GATAD2A: variants seen among roughly 807,000 people sequenced by gnomAD.
GATAD2A encodes transcriptional repressor p66-alpha.
GATAD2A carries 12 observed loss-of-function variants against 68.5 expected under a neutral mutation model. The observed-to-expected ratio is 0.18, with a 90% CI of 0.11 to 0.28. The LOEUF is 0.28. GATAD2A is among the 10% of genes least tolerant of loss of function. The probability of loss-of-function intolerance (pLI) is 1.00; values close to 1 mark genes in which losing one functional copy is unlikely to be tolerated. For missense variants in GATAD2A, 755 were observed against 868.5 expected (o/e 0.87, Z 1.64); for synonymous variants, 410 against 375.3 (o/e 1.09, Z -1.07).
intron 2 of GATAD2A, among the ~76,000 whole-genome samples, chr19:19,469,395 G>T (rs977874898): frequency 1.4e-5 from 2 of 138,672 alleles, no homozygotes; most frequent in Non-Finnish European, 3.0e-5. Context: ...TCGCGCCACT[G>T]CACTCCAACC....
chr19:19,500,991 C>T, intron 8 of GATAD2A, 127 bp from the exon 9 acceptor site: 2 of 815,176 alleles, frequency 2.5e-6, no homozygotes, highest in Non-Finnish European at 3.9e-6. Context: ...GTCATTGGTG[C>T]CCAGTAGGCA....
intron 1 of GATAD2A, among the ~76,000 whole-genome samples, chr19:19,406,694 A>G (rs1202601145): frequency 6.6e-6 from 1 of 152,148 alleles, no homozygotes; most frequent in Non-Finnish European, 1.5e-5. Context: ...GGTCGGCATC[A>G]GTGACTAGAC....
At chr19:19,385,904 GC>G (rs2048380049) in exon 1 of GATAD2A, 1 of 150,002 alleles carries the variant, frequency 6.7e-6, no homozygotes, top group South Asian at 2.1e-4. Flanking sequence ...GGCTCCTCCC[GC>G]CCAGGGTCAG....
At chr19:19,501,878 G>T (rs902373040) in intron 9 of GATAD2A, 91 bp from the exon 10 acceptor site, 10 of 915,092 alleles carry the variant, frequency 1.1e-5, no homozygotes, top group African/African-American at 1.7e-5. Flanking sequence ...AAGTCCCCAG[G>T]GGACGGGCCT....
chr19:19,454,957 G>A (rs1356763289), intron 1 of GATAD2A, among the ~76,000 whole-genome samples: 2 of 152,214 alleles, frequency 1.3e-5, no homozygotes, highest in Non-Finnish European at 2.9e-5. Flanking sequence ...GCCTGTTTTG[G>A]TAAATAGAGT....
chr19:19,405,588 C>G (rs2050121122), upstream of GATAD2A, among the ~76,000 whole-genome samples: 1 of 151,954 alleles, frequency 6.6e-6, no homozygotes, highest in South Asian at 2.1e-4. Flanking sequence ...TCCGGCCCCG[C>G]CCCCTCAACT....
upstream of GATAD2A, among the ~76,000 whole-genome samples, chr19:19,401,041 G>T (rs2049678926): frequency 1.3e-5 from 2 of 151,352 alleles, no homozygotes; most frequent in Admixed American, 1.3e-4. Flanking sequence ...TCCAGAGGCT[G>T]CGGCACAAGA....
intron 2 of GATAD2A, among the ~76,000 whole-genome samples, chr19:19,471,836 G>C (rs370115367): frequency 6.6e-6 from 1 of 151,906 alleles, no homozygotes; most frequent in South Asian, 2.1e-4. Context: ...GGCATGTGCT[G>C]CCCCTATGCC....
intron 2 of GATAD2A, among the ~76,000 whole-genome samples, chr19:19,473,057 T>G (rs1001629176): frequency 6.6e-6 from 1 of 152,250 alleles, no homozygotes; most frequent in Non-Finnish European, 1.5e-5. Flanking sequence ...GAGACTGGGC[T>G]GTGGCTTCCG....
chr19:19,440,405 G>C (rs1277615382), intron 1 of GATAD2A: 4 of 207,816 alleles, frequency 1.9e-5, no homozygotes, highest in Non-Finnish European at 3.9e-5. Flanking sequence ...CGAGTAGCTG[G>C]GACTACAGGC....
At chr19:19,433,784 C>T (rs1050946224) in intron 1 of GATAD2A, among the ~76,000 whole-genome samples, 1 of 152,192 alleles carries the variant, frequency 6.6e-6, no homozygotes, top group Non-Finnish European at 1.5e-5. Context: ...CCATACCCCC[C>T]CTTTTTTTGA....
At chr19:19,464,177 A>G (rs1485834826) in intron 1 of GATAD2A, among the ~76,000 whole-genome samples, 1 of 152,106 alleles carries the variant, frequency 6.6e-6, no homozygotes, top group Non-Finnish European at 1.5e-5. Context: ...ATAGGACCAG[A>G]GGGCTTCAGC....
At chr19:19,460,937 G>A (rs2057377848) in intron 1 of GATAD2A, among the ~76,000 whole-genome samples, 1 of 152,140 alleles carries the variant, frequency 6.6e-6, no homozygotes, top group African/African-American at 2.4e-5. Context: ...GTTCCACCCA[G>A]CCCCCGTCCC....
At chr19:19,414,838 T>C (rs1014505700) in intron 1 of GATAD2A, among the ~76,000 whole-genome samples, 175 of 127,198 alleles carry the variant, frequency 1.4e-3, no homozygotes, top group Middle Eastern at 4.0e-3. Context: ...CCCTGCCCCC[T>C]TTTTTTTTTT....
intron 1 of GATAD2A, among the ~76,000 whole-genome samples, chr19:19,430,979 GTGT>G (rs1568278225): frequency 1.2e-4 from 8 of 64,392 alleles, no homozygotes; most frequent in Non-Finnish European, 2.5e-4. Context: ...TGGTAGGGGT[GTGT>G]GTGTGTGTGT....
At chr19:19,399,333 C>T (rs1041058773) in intron 1 of GATAD2A, among the ~76,000 whole-genome samples, 36 of 152,072 alleles carry the variant, frequency 2.4e-4, no homozygotes, top group Admixed American at 2.2e-3. Context: ...CAGCCTTGAC[C>T]TCCCAGGCTC....
chr19:19,475,781 C>G (rs1166026244), intron 2 of GATAD2A, among the ~76,000 whole-genome samples: 1 of 152,168 alleles, frequency 6.6e-6, no homozygotes, highest in East Asian at 1.9e-4. Flanking sequence ...CTATGTCACC[C>G]CTTTCCTGCA....
chr19:19,453,204 T>C (rs539517558), intron 1 of GATAD2A, among the ~76,000 whole-genome samples: 1 of 152,174 alleles, frequency 6.6e-6, no homozygotes, highest in African/African-American at 2.4e-5. Context: ...GTGCTTTTCC[T>C]TAGGGCTTTG....
At chr19:19,451,843 C>A (rs996274758) in intron 1 of GATAD2A, among the ~76,000 whole-genome samples, 1 of 152,168 alleles carries the variant, frequency 6.6e-6, no homozygotes, top group Non-Finnish European at 1.5e-5. Flanking sequence ...AGAAGAAAGA[C>A]TTTTTTTCTT....
Sources: gnomAD v4.1 joint callset for allele counts (sites outside exome capture counted in the v4.1 genomes callset) on GRCh38, gnomAD v4.1.1 for gene constraint, MANE v1.5 for transcripts, NCBI Gene and HGNC (gene_info 2026-07-23, HGNC 2026-07-21) for gene names.